The following PGCKA1 variants were observed in gnomAD, a reference collection of about 807,000 sequenced individuals.
The protein encoded by PGCKA1 is PDCD10 and GCKIII kinases associated 1.
At chr4:37,572,325 C>T in the PGCKA1 span, among the ~76,000 whole-genome samples, 1 of 152,156 alleles carries the variant, frequency 6.6e-6, no homozygotes, top group East Asian at 1.9e-4. Flanking sequence ...CTCGGCCTCC[C>T]AAAGTGCTGG....
chr4:37,530,443 G>A, the PGCKA1 span, among the ~76,000 whole-genome samples: 10 of 151,930 alleles, frequency 6.6e-5, no homozygotes, highest in Non-Finnish European at 8.8e-5. Context: ...GCATGGTGGC[G>A]CACGCCTGTA....
the PGCKA1 span, among the ~76,000 whole-genome samples, chr4:37,522,330 G>A: frequency 2.6e-5 from 4 of 152,080 alleles, no homozygotes; most frequent in Non-Finnish European, 5.9e-5. Context: ...CCTTTCCAAA[G>A]GCAGAGGAGC....
chr4:37,556,457 C>T, the PGCKA1 span, among the ~76,000 whole-genome samples: 1 of 151,608 alleles, frequency 6.6e-6, no homozygotes, highest in Non-Finnish European at 1.5e-5. Flanking sequence ...TTAGTAGAGA[C>T]GGGGTTTCAC....
chr4:37,506,066 T>C, the PGCKA1 span, among the ~76,000 whole-genome samples: 89 of 152,344 alleles, frequency 5.8e-4, no homozygotes, highest in African/African-American at 2.1e-3. Context: ...TTTTAATTCA[T>C]TGGCATATAG....
chr4:37,512,452 T>TTC, the PGCKA1 span, among the ~76,000 whole-genome samples: 2 of 115,762 alleles, frequency 1.7e-5, no homozygotes, highest in Admixed American at 8.7e-5. Flanking sequence ...AAGTGTTGAT[T>TTC]TCTTTTTTTT....
the PGCKA1 span, among the ~76,000 whole-genome samples, chr4:37,499,429 G>C: frequency 6.6e-6 from 1 of 152,146 alleles, no homozygotes; most frequent in Non-Finnish European, 1.5e-5. Context: ...CTGTGAATCT[G>C]TCTGGTCCTG....
chr4:37,460,961 G>T, the PGCKA1 span: 4 of 349,338 alleles, frequency 1.1e-5, no homozygotes, highest in South Asian at 9.0e-5. Context: ...GGGTTTTTAT[G>T]GTTTTGGGTT....
the PGCKA1 span, among the ~76,000 whole-genome samples, chr4:37,489,315 C>T: frequency 6.6e-6 from 1 of 152,034 alleles, no homozygotes. Context: ...ACACTAAATT[C>T]TTATGTATGC....
At chr4:37,478,227 A>G in the PGCKA1 span, among the ~76,000 whole-genome samples, 1 of 129,612 alleles carries the variant, frequency 7.7e-6, no homozygotes, top group Non-Finnish European at 1.6e-5. Flanking sequence ...TTTTCTTCCT[A>G]TGTTACCTTT....
chr4:37,539,702 C>G, the PGCKA1 span, among the ~76,000 whole-genome samples: 2 of 152,172 alleles, frequency 1.3e-5, no homozygotes, highest in African/African-American at 4.8e-5. Flanking sequence ...GGCTCCAGGT[C>G]TCTTCTTCAG....
At chr4:37,538,568 G>A in the PGCKA1 span, among the ~76,000 whole-genome samples, 28 of 152,188 alleles carry the variant, frequency 1.8e-4, no homozygotes, top group African/African-American at 6.8e-4. Context: ...CTGATTCCCT[G>A]GAGTCTGTTA....
the PGCKA1 span, among the ~76,000 whole-genome samples, chr4:37,557,208 TATTTTATTGAAATACCACAC>T: frequency 6.6e-6 from 1 of 152,254 alleles, no homozygotes; most frequent in East Asian, 1.9e-4. Context: ...CTAAATCATG[TATTTTATTGAAATACCACAC>T]ATTTATTCAT....
chr4:37,484,617 C>T, the PGCKA1 span, among the ~76,000 whole-genome samples: 1 of 152,208 alleles, frequency 6.6e-6, no homozygotes, highest in Admixed American at 6.5e-5. Context: ...ATGCTGGAAC[C>T]ATGCTTCTAA....
At chr4:37,477,471 T>C in the PGCKA1 span, among the ~76,000 whole-genome samples, 3 of 152,188 alleles carry the variant, frequency 2.0e-5, no homozygotes, top group Non-Finnish European at 4.4e-5. Context: ...CTAAAATTTA[T>C]TGTGGTAACG....
the PGCKA1 span, among the ~76,000 whole-genome samples, chr4:37,538,604 A>G: frequency 6.6e-6 from 1 of 152,224 alleles, no homozygotes; most frequent in Non-Finnish European, 1.5e-5. Context: ...TGTTTGGAAA[A>G]GAAGGGTTTC....
the PGCKA1 span, among the ~76,000 whole-genome samples, chr4:37,454,964 C>G: frequency 1.3e-5 from 2 of 152,156 alleles, no homozygotes; most frequent in Non-Finnish European, 2.9e-5. Flanking sequence ...TGGTTCAAAT[C>G]ATTGAAGAAT....
chr4:37,461,891 T>C, the PGCKA1 span, among the ~76,000 whole-genome samples: 2 of 151,990 alleles, frequency 1.3e-5, no homozygotes, highest in Non-Finnish European at 2.9e-5. Context: ...GCACCTTCCA[T>C]GGGACTCGAT....
At chr4:37,483,196 A>G in the PGCKA1 span, among the ~76,000 whole-genome samples, 1 of 152,166 alleles carries the variant, frequency 6.6e-6, no homozygotes, top group Non-Finnish European at 1.5e-5. Context: ...ACACCATGTG[A>G]AGAAGGACAA....
At chr4:37,561,098 G>C in the PGCKA1 span, among the ~76,000 whole-genome samples, 3 of 152,076 alleles carry the variant, frequency 2.0e-5, no homozygotes, top group Admixed American at 6.6e-5. Context: ...CAACCTCCTT[G>C]ATATGAAATT....
Sources: allele counts gnomAD v4.1 joint callset (sites outside exome capture counted in the v4.1 genomes callset), GRCh38; gene constraint gnomAD v4.1.1; transcripts MANE v1.5; gene names NCBI Gene and HGNC (gene_info 2026-07-23, HGNC 2026-07-21).